RC3H2: variants seen among roughly 807,000 people sequenced by gnomAD.
RC3H2 encodes the protein roquin-2.
A neutral mutation model predicts 133.3 loss-of-function variants in RC3H2; 31 were observed. The ratio of observed to expected loss-of-function variants is 0.23; its 90% confidence interval spans 0.17 to 0.31. The LOEUF (loss-of-function observed/expected upper bound fraction) is 0.31. Ranked by LOEUF, RC3H2 falls within the 10% of genes least tolerant of loss-of-function variation. RC3H2 has a pLI of 1.00. For synonymous variants in RC3H2, 517 were observed against 502.2 expected (o/e 1.03, Z -0.40); for missense variants, 1,175 against 1,437.2 (o/e 0.82, Z 2.95).
At chr9:122,875,675 C>T (rs1443735957) in intron 9 of RC3H2, among the ~76,000 whole-genome samples, 4 of 152,068 alleles carry the variant, frequency 2.6e-5, no homozygotes, top group East Asian at 1.9e-4. Flanking sequence ...CCTGAAAAAG[C>T]GAAGGATGAG....
intron 9 of RC3H2, among the ~76,000 whole-genome samples, chr9:122,869,598 C>G (rs115440962): frequency 8.6e-4 from 121 of 141,008 alleles, no homozygotes; most frequent in African/African-American, 3.1e-3. Flanking sequence ...GAGTTTTGCT[C>G]GTCACCCAGG....
intron 1 of RC3H2, among the ~76,000 whole-genome samples, chr9:122,903,847 A>C (rs1013304057): frequency 6.6e-6 from 1 of 152,232 alleles, no homozygotes; most frequent in Non-Finnish European, 1.5e-5. Context: ...ACAACGTAAG[A>C]AAGGCATGTG....
intron 9 of RC3H2, among the ~76,000 whole-genome samples, chr9:122,868,693 A>T (rs936877965): frequency 1.4e-4 from 21 of 151,716 alleles, no homozygotes; most frequent in Non-Finnish European, 2.9e-4. Context: ...TTGTCCTATG[A>T]CCCTGCCAAA....
At chr9:122,898,088 G>A (rs1832495388) in intron 1 of RC3H2, 1 of 152,204 alleles carries the variant, frequency 6.6e-6, no homozygotes, top group South Asian at 2.1e-4. Flanking sequence ...CCTGAAAGAG[G>A]AAATCTCTGA....
chr9:122,869,698 G>A (rs1169726692), intron 9 of RC3H2, among the ~76,000 whole-genome samples: 1 of 151,672 alleles, frequency 6.6e-6, no homozygotes, highest in Non-Finnish European at 1.5e-5. Flanking sequence ...GAGTACAGGT[G>A]CACATTATAG....
intron 15 of RC3H2, 105 bp downstream of exon 15, chr9:122,855,079 T>G: frequency 1.1e-6 from 1 of 896,234 alleles, no homozygotes; most frequent in South Asian, 1.7e-5. Flanking sequence ...CACCACTGCA[T>G]TCCAGTCTGG....
At chr9:122,904,147 C>T (rs1832752793) in intron 1 of RC3H2, among the ~76,000 whole-genome samples, 1 of 152,050 alleles carries the variant, frequency 6.6e-6, no homozygotes, top group African/African-American at 2.4e-5. Context: ...GGGATACAAA[C>T]TCACCCACCC....
chr9:122,862,579 A>G (rs930259126), intron 10 of RC3H2, among the ~76,000 whole-genome samples: 2 of 151,994 alleles, frequency 1.3e-5, no homozygotes, highest in African/African-American at 2.4e-5. Flanking sequence ...GTGTTCCAAT[A>G]AAAATTTAGA....
At chr9:122,877,348 G>A (rs1025725605) in intron 9 of RC3H2, 123 bp downstream of exon 9, 10 of 730,008 alleles carry the variant, frequency 1.4e-5, no homozygotes, top group Admixed American at 6.4e-5. Flanking sequence ...CTACAGGCAT[G>A]AGCTATGGTG....
intron 10 of RC3H2, among the ~76,000 whole-genome samples, chr9:122,863,523 A>G (rs1830533185): frequency 6.6e-6 from 1 of 152,164 alleles, no homozygotes; most frequent in African/African-American, 2.4e-5. Context: ...TCTCCCAGCA[A>G]TATAAAATTT....
chr9:122,866,398 T>G (rs1345272917), intron 9 of RC3H2, among the ~76,000 whole-genome samples: 3 of 27,318 alleles, frequency 1.1e-4, no homozygotes, highest in Non-Finnish European at 2.2e-4. Context: ...CCCCACGGTC[T>G]CCCTCTCCCC....
chr9:122,863,045 C>T (rs1238316110), intron 10 of RC3H2, among the ~76,000 whole-genome samples: 1 of 152,114 alleles, frequency 6.6e-6, no homozygotes, highest in African/African-American at 2.4e-5. Flanking sequence ...TTTTCATCAT[C>T]CCCAAGAGAA....
chr9:122,859,690 C>T (rs1241109205), intron 11 of RC3H2, among the ~76,000 whole-genome samples: 1 of 152,106 alleles, frequency 6.6e-6, no homozygotes, highest in East Asian at 1.9e-4. Flanking sequence ...AGGGGACTTA[C>T]AGAAAACCCC....
At chr9:122,877,994 C>T (rs1453455943) in intron 8 of RC3H2, among the ~76,000 whole-genome samples, 1 of 151,896 alleles carries the variant, frequency 6.6e-6, no homozygotes, top group Non-Finnish European at 1.5e-5. Flanking sequence ...TACAATTCCA[C>T]CTAGAAGTGA....
chr9:122,853,952 C>T lies in RC3H2; in HGVS notation c.3117G>A (p.Glu1039=). The change falls in exon 18 of 21, where the codon GAG becomes GAA. Residue 1039 remains glutamate (E), a splice_region_variant and synonymous_variant. Transcript: ENST00000357244. The part of the protein sequence containing the change: ...LSKEIELRNG[E]LQSDYTEDAT... ...AAGCCGAAAGGTTCAGTTTCTTTAC[C>T]TCTCCATTTCTTAGTTCAATTTCCT... 4 of 1,614,146 alleles carry T rather than the reference C, an allele frequency of 2.5e-6. No individual in the cohort carries two copies. The highest frequency in any genetic ancestry group is 3.4e-6 in the Non-Finnish European group (4 of 1,180,014).
At chr9:122,897,161 G>A in intron 2 of RC3H2, 118 bp downstream of exon 2, 2 of 776,996 alleles carry the variant, frequency 2.6e-6, no homozygotes, top group Non-Finnish European at 4.1e-6. Flanking sequence ...TTTGTGTTGG[G>A]CCGCATTCAA....
intron 9 of RC3H2, among the ~76,000 whole-genome samples, chr9:122,868,151 T>C (rs898506069): frequency 2.7e-5 from 4 of 146,360 alleles, no homozygotes; most frequent in Non-Finnish European, 4.5e-5. Context: ...CCAGCCGCCC[T>C]GTCGGGGATG....
chr9:122,895,879 C>A (rs1330299594), intron 2 of RC3H2, among the ~76,000 whole-genome samples: 1 of 152,044 alleles, frequency 6.6e-6, no homozygotes, highest in African/African-American at 2.4e-5. Flanking sequence ...TACTTTCTGT[C>A]AAACCTAATG....
In RC3H2 at chr9:122,858,074, T is replaced by G; in HGVS notation, c.2303A>C (p.Lys768Thr). Reference sequence around the variant, plus strand: ...TCTTATCTGCTCCTCGCAACTGGTCTTCAAATGACCACAAGGTTCCTAATG... The same window carrying G: ...TCTTATCTGCTCCTCGCAACTGGTCGTCAAATGACCACAAGGTTCCTAATG... ...PLPREPCGHL[K>T]TSCEEQIRRK... is the part of the protein sequence containing the mutation. The change falls in exon 13 of 21, where the codon AAG becomes ACG. Residue 768 changes from lysine (K) to threonine (T), a missense_variant. By Grantham distance (78) the Lys-to-Thr change is moderately conservative. Transcript: ENST00000357244. The G allele has an allele frequency of 6.2e-7, 1 of 1,614,164 alleles. No homozygotes were observed. The highest frequency in any genetic ancestry group is 8.5e-7 in the Non-Finnish European group (1 of 1,179,998).
Sources: gnomAD v4.1 joint callset for allele counts (sites outside exome capture counted in the v4.1 genomes callset) on GRCh38, gnomAD v4.1.1 for gene constraint, MANE v1.5 for transcripts, NCBI Gene and HGNC (gene_info 2026-07-23, HGNC 2026-07-21) for gene names.